Variants in ZNRF1 observed in about 807,000 individuals in gnomAD.
ZNRF1 encodes the protein zinc and ring finger 1.
Under a neutral mutation model 18.4 loss-of-function variants are expected in ZNRF1, and 3 were observed. The observed-to-expected ratio is 0.16, with a 90% CI of 0.07 to 0.42. ZNRF1 has a LOEUF of 0.42. Ranked by LOEUF, ZNRF1 falls within the 10% of genes least tolerant of loss-of-function variation. ZNRF1 has a pLI of 0.99. For synonymous variants in ZNRF1, 157 were observed against 144.2 expected (o/e 1.09, Z -0.64); for missense variants, 310 against 329.8 (o/e 0.94, Z 0.47).
intron 1 of ZNRF1, among the ~76,000 whole-genome samples, chr16:75,006,171 C>T (rs1354370559): frequency 6.6e-6 from 1 of 152,042 alleles, no homozygotes; most frequent in African/African-American, 2.4e-5. Flanking sequence ...CTCCATTGAC[C>T]ACGGGTAACT....
Position 75,058,851 on chromosome 16 carries a change from G to T in ZNRF1, c.425-34721G>T, listed in dbSNP as rs1202435314. On this transcript the variant is annotated intron_variant, in intron 1 of 4. Transcript: ENST00000335325. ...GTCTCATCCCCCAGGAGATGCGCTG[G>T]GCTTTCTGTGTGCCTTAGTTGAGAG... is the stretch of plus-strand genomic sequence containing the variant. Among the ~76,000 whole-genome samples, 5 of 152,250 alleles carry T rather than the reference G, an allele frequency of 3.3e-5. No homozygotes were observed. The South Asian group carries it at 1.0e-3, about 32-fold the overall frequency.
rs376321255 is a variant in ZNRF1 at position 75,036,637 on chromosome 16, G to A, written c.424+36542G>A. Among the ~76,000 whole-genome samples, 517 of 147,688 alleles carry A rather than the reference G, an allele frequency of 3.5e-3. 1 individual carries two copies. The highest frequency in any genetic ancestry group is 0.011 in the African/African-American group (436 of 39,846). On this transcript the variant is annotated intron_variant, in intron 1 of 4. Coordinates refer to ENST00000335325, the MANE Select transcript of ZNRF1 (RefSeq NM_032268.5). Reference sequence around the variant, plus strand: ...AAGAAAAGTTCTTATTTTTTTGGCCGGGTGGACAACCTGTCTAAATGTAGA... The same window carrying A: ...AAGAAAAGTTCTTATTTTTTTGGCCAGGTGGACAACCTGTCTAAATGTAGA...
chr16:75,069,831 A>AT (rs1344530469), intron 1 of ZNRF1, among the ~76,000 whole-genome samples: 3 of 152,148 alleles, frequency 2.0e-5, no homozygotes, highest in African/African-American at 7.2e-5. Context: ...TGTTTCTCAC[A>AT]TTCCTAGAAC....
chr16:75,022,393 C>G (rs1474773354), intron 1 of ZNRF1, among the ~76,000 whole-genome samples: 2 of 151,214 alleles, frequency 1.3e-5, no homozygotes, highest in South Asian at 2.1e-4. Flanking sequence ...GAAACCCCGT[C>G]TCTACTAAAA....
At chr16:75,066,596 G>A (rs1343021199) in intron 1 of ZNRF1, among the ~76,000 whole-genome samples, 1 of 152,152 alleles carries the variant, frequency 6.6e-6, no homozygotes, top group South Asian at 2.1e-4. Flanking sequence ...TCCACTTTCC[G>A]GGTTCAAGCA....
chr16:75,002,658 G>C (rs551612870), intron 1 of ZNRF1, among the ~76,000 whole-genome samples: 176 of 152,314 alleles, frequency 1.2e-3, no homozygotes, highest in Non-Finnish European at 1.7e-3. Flanking sequence ...CCTTGGGCAA[G>C]ACATATCCCC....
chr16:75,035,469 A>G (rs902002990), intron 1 of ZNRF1, among the ~76,000 whole-genome samples: 2 of 152,248 alleles, frequency 1.3e-5, no homozygotes, highest in Admixed American at 1.3e-4. Flanking sequence ...GCTCTGCAGC[A>G]ACCTCAATTC....
At chr16:75,037,692 A>G (rs571907842) in intron 1 of ZNRF1, among the ~76,000 whole-genome samples, 26 of 151,814 alleles carry the variant, frequency 1.7e-4, no homozygotes, top group African/African-American at 6.3e-4. Context: ...TCTCCAATTC[A>G]CCTTTTCTTC....
chr16:75,016,799 C>T (rs1298819044), intron 1 of ZNRF1, among the ~76,000 whole-genome samples: 1 of 148,068 alleles, frequency 6.8e-6, no homozygotes. Flanking sequence ...CCTGCCTCGG[C>T]CTCCCAGAGT....
At chr16:75,074,018 C>CCGGA (rs1328248806) in intron 1 of ZNRF1, among the ~76,000 whole-genome samples, 2 of 152,010 alleles carry the variant, frequency 1.3e-5, no homozygotes, top group African/African-American at 4.8e-5. Context: ...GTGCTACCAC[C>CCGGA]CGGAGAGCAG....
chr16:75,076,162 A>T (rs533921271), intron 1 of ZNRF1, among the ~76,000 whole-genome samples: 1 of 152,326 alleles, frequency 6.6e-6, no homozygotes, highest in African/African-American at 2.4e-5. Context: ...AGTAAATCAC[A>T]AATATTTGGA....
Position 74,999,851 on chromosome 16 carries a change from C to T in ZNRF1, c.180C>T (p.Asp60=), listed in dbSNP as rs369609063. The stretch of plus-strand genomic sequence containing the variant: ...GCTCGGTGGCAGGCATGGGCATGGA[C>T]CCCAGCACGGCCGGGGGGGTGCCCT... The part of the protein sequence containing the change: ...SVSSVAGMGM[D]PSTAGGVPFG... Residue 60 remains aspartate, a synonymous_variant, in exon 1 of 5, where the codon GAC becomes GAT. Coordinates refer to ENST00000335325, the MANE Select transcript of ZNRF1 (RefSeq NM_032268.5). 21 of 1,503,866 alleles carry T rather than the reference C, an allele frequency of 1.4e-5. No individual in the cohort carries two copies. In the Admixed American group the frequency reaches 4.6e-4, roughly 33 times the overall value. The allele number at this position is 1,503,866 out of a possible 1,614,324, so 93.2% of individuals were successfully genotyped here.
rs2034808880 is a variant in ZNRF1, at chr16:74,999,592, G to T, written c.-80G>T. The T allele has an allele frequency of 5.5e-6, 6 of 1,083,318 alleles. No homozygotes were observed. Among genetic ancestry groups the T allele is most frequent in the African/African-American group, 1.6e-5 (1 of 60,686 alleles). 67.1% of individuals were successfully genotyped at this position (1,083,318 alleles called of 1,614,324 possible). ...TTTGACTCCCTCCCCCTTTATGCTC[G>T]CCCAGCCCTCCCCCTGCTGCTGAGA... On this transcript the variant is annotated 5_prime_UTR_variant, in exon 1 of 5. Transcript: ENST00000335325.
rs2035345392 is a variant in ZNRF1, at chr16:75,034,116, C to T, written c.424+34021C>T. Among the ~76,000 whole-genome samples, 4 of 152,186 alleles carry T rather than the reference C, an allele frequency of 2.6e-5. No homozygotes were observed. In the South Asian group the frequency reaches 8.3e-4, roughly 31 times the overall value. On this transcript the variant is annotated intron_variant, in intron 1 of 4. Transcript: ENST00000335325. ...GAGGTTGCAGTGAGCGGAGATTGTGCCACTGCACCCCAGCCTCGCGACAGA... is the reference window on the plus strand; with the variant it reads ...GAGGTTGCAGTGAGCGGAGATTGTGTCACTGCACCCCAGCCTCGCGACAGA...
intron 1 of ZNRF1, among the ~76,000 whole-genome samples, chr16:75,044,884 AGC>A (rs2035494878): frequency 1.3e-5 from 2 of 152,176 alleles, no homozygotes; most frequent in Non-Finnish European, 2.9e-5. Flanking sequence ...CCCTAAGGAG[AGC>A]TTAGTATGGT....
chr16:75,076,538 A>C (rs989785382), intron 1 of ZNRF1, among the ~76,000 whole-genome samples: 1 of 151,476 alleles, frequency 6.6e-6, no homozygotes, highest in South Asian at 2.1e-4. Flanking sequence ...ACTAGAATAC[A>C]TATGAATGGA....
At chr16:75,004,989 G>A (rs2034900490) in intron 1 of ZNRF1, among the ~76,000 whole-genome samples, 1 of 152,192 alleles carries the variant, frequency 6.6e-6, no homozygotes, top group African/African-American at 2.4e-5. Flanking sequence ...CCACTGTAGG[G>A]TTCTCAAGTG....
chr16:75,066,263 T>C (rs900817566), intron 1 of ZNRF1, among the ~76,000 whole-genome samples: 4 of 152,202 alleles, frequency 2.6e-5, no homozygotes, highest in African/African-American at 9.7e-5. Context: ...CCTAATAGTG[T>C]ATTGAGGACA....
At chr16:75,088,683 G>A (rs2036102516) in intron 1 of ZNRF1, among the ~76,000 whole-genome samples, 1 of 152,176 alleles carries the variant, frequency 6.6e-6, no homozygotes, top group Non-Finnish European at 1.5e-5. Flanking sequence ...CTGGCCATGC[G>A]AATCTTGATC....
Sources: gnomAD v4.1 joint callset for allele counts (sites outside exome capture counted in the v4.1 genomes callset) on GRCh38, gnomAD v4.1.1 for gene constraint, MANE v1.5 for transcripts, NCBI Gene and HGNC (gene_info 2026-07-23, HGNC 2026-07-21) for gene names.